FAF2: variants seen among roughly 807,000 people sequenced by gnomAD.
The protein encoded by FAF2 is Fas associated factor family member 2.
A neutral mutation model predicts 62.3 loss-of-function variants in FAF2; 9 were observed. The ratio of observed to expected loss-of-function variants is 0.14; its 90% CI spans 0.09 to 0.25. The LOEUF is 0.25. FAF2 is among the 10% of genes least tolerant of loss of function. The pLI is 1.00. For synonymous variants in FAF2, 202 were observed against 198.0 expected, an observed-to-expected ratio of 1.02 and a Z score of -0.17; for missense variants, 368 against 556.2, an observed-to-expected ratio of 0.66 and a Z score of 3.40.
rs373205789 is a variant in FAF2 at position 176,486,415 on chromosome 5, C to G, written c.193C>G (p.Pro65Ala). The change falls in exon 3 of 11, where the codon CCA (proline) becomes GCA (alanine). Residue 65 changes from proline (P) to alanine (A), a missense_variant. Physicochemically the swap from Pro to Ala is conservative, Grantham distance 27. Transcript: ENST00000261942. ...EGVPSVFNPP[P>A]SRPLQVNTAD... The stretch of plus-strand genomic sequence containing the variant: ...CGTACCTAGTGTTTTCAACCCACCT[C>G]CATCACGACCCCTGCAGGTTAATAC... 2.5e-6 allele frequency: 4 copies of G among 1,614,048 alleles called. No homozygotes were observed. In the African/African-American group the frequency reaches 4.0e-5, roughly 16 times the overall value.
rs1581465744 is a variant in FAF2, at chr5:176,451,886, ATATATATTTTTTTTTTTTT to A, written c.63+3418_63+3436del. 9.6e-4 allele frequency among the ~76,000 whole-genome samples: 28 copies of A among 29,254 alleles called. 2 individuals carry two copies. The highest frequency in any genetic ancestry group is 2.5e-3 in the East Asian group (3 of 1,190). 19.2% of individuals were successfully genotyped at this position (29,254 alleles called of 152,430 possible). Reference sequence around the variant, plus strand: ...TATATATATACACACATATATATATATATATATTTTTTTTTTTTTTTTTTTTTTTTTTTTTGAGACAACA... The same window carrying A: ...TATATATATACACACATATATATATATTTTTTTTTTTTTTTTGAGACAACA... On this transcript the variant is annotated intron_variant, in intron 1 of 10. Coordinates refer to ENST00000261942, the MANE Select transcript of FAF2 (RefSeq NM_014613.3).
chr5:176,493,501 A>G (rs116307243), intron 5 of FAF2, among the ~76,000 whole-genome samples: 4,671 of 152,288 alleles, frequency 0.031, 218 homozygotes, highest in African/African-American at 0.11. Context: ...TTTACACCCT[A>G]TGCTCTTTAG....
chr5:176,490,795 G>A (rs1210627630), intron 4 of FAF2, among the ~76,000 whole-genome samples: 1 of 151,862 alleles, frequency 6.6e-6, no homozygotes, highest in Non-Finnish European at 1.5e-5. Flanking sequence ...AATCAAAAAA[G>A]CTGATTGTCC....
intron 1 of FAF2, among the ~76,000 whole-genome samples, chr5:176,459,734 A>C (rs1758342578): frequency 4.6e-5 from 7 of 151,834 alleles, no homozygotes; most frequent in Admixed American, 4.6e-4. Context: ...TTTTCTTTCA[A>C]CTTTCATTTT....
intron 1 of FAF2, among the ~76,000 whole-genome samples, chr5:176,471,375 CTTTTTTTTTTTTTT>C (rs138149987): frequency 2.0e-5 from 2 of 97,624 alleles, no homozygotes; most frequent in African/African-American, 8.2e-5. Context: ...TCTGTACATT[CTTTTTTTTTTTTTT>C]TTTTTTTTTT....
rs374465857 is a variant in FAF2 at position 176,459,325 on chromosome 5, C to T, written c.63+10855C>T. ...CCAGGCTGGAGTGCAGTGGCTCATT[C>T]ATGGTTCACTGCAGCTCCAACCTCC... is the stretch of plus-strand genomic sequence containing the variant. On this transcript the variant is annotated intron_variant, in intron 1 of 10. Coordinates refer to ENST00000261942, the MANE Select transcript of FAF2 (RefSeq NM_014613.3). 1.4e-3 allele frequency among the ~76,000 whole-genome samples: 194 copies of T among 136,448 alleles called. 1 individual carries two copies. Among genetic ancestry groups the T allele is most frequent in the African/African-American group, 5.1e-3 (183 of 35,838 alleles). 89.5% of individuals were successfully genotyped at this position (136,448 alleles called of 152,430 possible). A position where few individuals can be genotyped will look rare whatever the true frequency, so the allele number is the denominator to read the frequency against.
intron 1 of FAF2, among the ~76,000 whole-genome samples, chr5:176,458,987 G>A (rs1301573920): frequency 6.6e-6 from 1 of 152,084 alleles, no homozygotes; most frequent in Non-Finnish European, 1.5e-5. Flanking sequence ...GTTTACTGGT[G>A]TGTAGTAATT....
Position 176,506,898 on chromosome 5 carries a change from C to G in FAF2, c.1286C>G (p.Ala429Gly). The change falls in exon 11 of 11, where the codon GCC (alanine) becomes GGC (glycine). Residue 429 changes from alanine to glycine, a missense_variant. Coordinates refer to ENST00000261942, the MANE Select transcript of FAF2 (RefSeq NM_014613.3). ...EWPNPPTLQE[A>G]GLSHTEVLFV... ...CCCAATCCCCCTACGCTACAGGAGG[C>G]CGGACTCAGCCACACAGAAGTTCTT... is the stretch of plus-strand genomic sequence containing the variant. The G allele has an allele frequency of 6.2e-7, 1 of 1,608,642 alleles. No individual in the cohort carries two copies. The highest frequency in any genetic ancestry group is 8.5e-7 in the Non-Finnish European group (1 of 1,176,716).
chr5:176,505,834 T>C (rs1397441940), intron 10 of FAF2, among the ~76,000 whole-genome samples: 1 of 152,228 alleles, frequency 6.6e-6, no homozygotes, highest in Non-Finnish European at 1.5e-5. Context: ...CATATATATA[T>C]ATCACAGTTT....
chr5:176,503,574 A>T (rs1755631022), intron 10 of FAF2, among the ~76,000 whole-genome samples: 1 of 145,698 alleles, frequency 6.9e-6, no homozygotes, highest in South Asian at 2.2e-4. Context: ...AAAAAAAAAG[A>T]CCTTGTATCA....
At chr5:176,488,447 G>C (rs766403820) in intron 3 of FAF2, among the ~76,000 whole-genome samples, 3 of 152,120 alleles carry the variant, frequency 2.0e-5, no homozygotes, top group Non-Finnish European at 4.4e-5. Context: ...TTTTGAGACA[G>C]AATCTTGCTC....
intron 2 of FAF2, among the ~76,000 whole-genome samples, chr5:176,486,131 A>G (rs2061942833): frequency 6.6e-6 from 1 of 152,230 alleles, no homozygotes; most frequent in South Asian, 2.1e-4. Context: ...TAGCTTCCAG[A>G]CAAGTTTCCT....
At chr5:176,451,887 TA>T (rs1758190296) in intron 1 of FAF2, among the ~76,000 whole-genome samples, 1 of 28,236 alleles carries the variant, frequency 3.5e-5, no homozygotes, top group African/African-American at 1.5e-4. Context: ...TATATATATA[TA>T]TATATTTTTT....
At chr5:176,473,829 C>T (rs1183538237) in intron 1 of FAF2, among the ~76,000 whole-genome samples, 1 of 152,172 alleles carries the variant, frequency 6.6e-6, no homozygotes, top group Non-Finnish European at 1.5e-5. Context: ...GTATTGAACT[C>T]CTGGCCTCAA....
intron 5 of FAF2, among the ~76,000 whole-genome samples, 165 bp from the exon 6 acceptor site, chr5:176,493,834 G>C (rs1759016017): frequency 6.6e-6 from 1 of 152,054 alleles, no homozygotes. Flanking sequence ...CAATGCCAGG[G>C]GTGTGAAGGT....
chr5:176,490,939 C>T (rs965354217), intron 4 of FAF2, among the ~76,000 whole-genome samples: 2 of 152,014 alleles, frequency 1.3e-5, no homozygotes, highest in African/African-American at 4.8e-5. Flanking sequence ...TAACCATTCC[C>T]CCACGTATAC....
At chr5:176,505,449 C>T (rs1258148421) in intron 10 of FAF2, among the ~76,000 whole-genome samples, 4 of 152,146 alleles carry the variant, frequency 2.6e-5, no homozygotes, top group Admixed American at 1.3e-4. Flanking sequence ...ATATGAGGTG[C>T]AACACATTTA....
intron 1 of FAF2, among the ~76,000 whole-genome samples, chr5:176,476,447 A>G (rs1476437618): frequency 2.6e-5 from 4 of 152,148 alleles, no homozygotes; most frequent in Non-Finnish European, 2.9e-5. Flanking sequence ...TGAATATTAC[A>G]GTGAATTGTT....
intron 10 of FAF2, among the ~76,000 whole-genome samples, chr5:176,504,099 T>TC (rs1663846349): frequency 6.6e-6 from 1 of 151,350 alleles, no homozygotes; most frequent in Admixed American, 6.6e-5. Context: ...AGAGTGAGAC[T>TC]CCATCTCAAA....
Sources: gnomAD v4.1 joint callset for allele counts (sites outside exome capture counted in the v4.1 genomes callset) on GRCh38, gnomAD v4.1.1 for gene constraint, MANE v1.5 for transcripts, NCBI Gene and HGNC (gene_info 2026-07-23, HGNC 2026-07-21) for gene names.